The following RBFOX3 variants were observed in gnomAD, a reference collection of about 807,000 sequenced individuals.
The protein encoded by RBFOX3 is RNA binding protein fox-1 homolog 3.
A neutral mutation model predicts 48.7 loss-of-function variants in RBFOX3; 17 were observed. The ratio of observed to expected loss-of-function variants is 0.35; its 90% CI spans 0.24 to 0.52. The LOEUF (loss-of-function observed/expected upper bound fraction) is 0.52. Ranked by LOEUF, RBFOX3 falls within the 20% of genes least tolerant of loss-of-function variation. The probability of loss-of-function intolerance (pLI) is 0.94; values close to 1 mark genes in which losing one functional copy is unlikely to be tolerated. For synonymous variants in RBFOX3, 212 were observed against 209.5 expected, an observed-to-expected ratio of 1.01 and a Z score of -0.10; for missense variants, 382 against 497.5, an observed-to-expected ratio of 0.77 and a Z score of 2.21.
chr17:79,591,634 T>C (rs903879682), intron 1 of RBFOX3, among the ~76,000 whole-genome samples: 23 of 152,264 alleles, frequency 1.5e-4, no homozygotes, highest in African/African-American at 5.5e-4. Flanking sequence ...CCCCAAACAG[T>C]ATCGTGTTTT....
chr17:79,361,620 TCTC>T lies in RBFOX3; in HGVS notation c.-174-53799_-174-53797del, dbSNP rs531749231. ...AGGGACATGCCAGCCCACGTCCATC[TCTC>T]CTCCTCCTCCCAGCATCCCCTCTCT... is the stretch of plus-strand genomic sequence containing the variant. On this transcript the variant is annotated intron_variant, in intron 2 of 14. Transcript: ENST00000693108. The surrounding 1 kb of genome is among the most constrained non-coding windows in gnomAD (Gnocchi z 4.5). 1.1e-3 allele frequency among the ~76,000 whole-genome samples: 172 copies of T among 152,222 alleles called. No homozygotes were observed. The highest frequency in any genetic ancestry group is 4.0e-3 in the African/African-American group (168 of 41,552).
intron 4 of RBFOX3, among the ~76,000 whole-genome samples, chr17:79,180,128 G>A (rs760489203): frequency 2.0e-5 from 3 of 152,114 alleles, no homozygotes; most frequent in Non-Finnish European, 2.9e-5. Flanking sequence ...TATCACCTCC[G>A]CTGCTGGGAG....
chr17:79,564,502 G>C (rs1017083256), intron 1 of RBFOX3, among the ~76,000 whole-genome samples: 2 of 152,162 alleles, frequency 1.3e-5, no homozygotes, highest in Non-Finnish European at 2.9e-5. Flanking sequence ...CGCCTTAGCA[G>C]AACGGTGCTG....
At chr17:79,625,662 G>C in the RBFOX3 span, among the ~76,000 whole-genome samples, 1 of 150,762 alleles carries the variant, frequency 6.6e-6, no homozygotes, top group African/African-American at 2.5e-5. Flanking sequence ...CATGGCACTA[G>C]GTGCCCATAA....
At chr17:79,342,995 A>G (rs1217646040) in intron 2 of RBFOX3, among the ~76,000 whole-genome samples, 2 of 152,142 alleles carry the variant, frequency 1.3e-5, no homozygotes, top group Non-Finnish European at 2.9e-5. Context: ...AGAGAGAGAG[A>G]GAGAGAGAAA....
intron 1 of RBFOX3, among the ~76,000 whole-genome samples, chr17:79,505,359 G>A (rs1460778281): frequency 6.6e-6 from 1 of 152,056 alleles, no homozygotes. Context: ...AACAGAGGTG[G>A]GTGTATAAAT....
At chr17:79,194,102 C>A (rs966880736) in intron 4 of RBFOX3, among the ~76,000 whole-genome samples, 3 of 152,178 alleles carry the variant, frequency 2.0e-5, no homozygotes, top group African/African-American at 7.2e-5. Context: ...GGTAAAAAAA[C>A]AGAGATGATT....
intron 1 of RBFOX3, among the ~76,000 whole-genome samples, chr17:79,513,092 G>A (rs1348538129): frequency 6.6e-6 from 1 of 151,628 alleles, no homozygotes; most frequent in East Asian, 1.9e-4. Flanking sequence ...TTACCATCGG[G>A]TACAGCCCCA....
In RBFOX3 at chr17:79,106,003, G is replaced by A. The variant is rs548883987; in HGVS notation, c.360+648C>T. 3.3e-5 allele frequency among the ~76,000 whole-genome samples: 5 copies of A among 152,320 alleles called. No homozygotes were observed. The South Asian group carries it at 1.0e-3, about 32-fold the overall frequency. ...TGACCCAGGACCCAGGGGCAGCCCTGCACGTTCTCACGGTGACCCCACCAC... is the reference window on the plus strand; with the variant it reads ...TGACCCAGGACCCAGGGGCAGCCCTACACGTTCTCACGGTGACCCCACCAC... On this transcript the variant is annotated intron_variant, in intron 6 of 14. Coordinates refer to ENST00000693108, the MANE Select transcript of RBFOX3 (RefSeq NM_001350451.2).
At chr17:79,218,301 C>T (rs187927534) in intron 4 of RBFOX3, among the ~76,000 whole-genome samples, 89 of 152,082 alleles carry the variant, frequency 5.9e-4, no homozygotes, top group African/African-American at 2.0e-3. Flanking sequence ...CAGGGAGGGA[C>T]AGCAGGAGAG....
chr17:79,133,524 C>G (rs1056199567), intron 4 of RBFOX3, among the ~76,000 whole-genome samples: 7 of 152,212 alleles, frequency 4.6e-5, no homozygotes, highest in Non-Finnish European at 8.8e-5. Context: ...CTTCCCTCCT[C>G]TAATCCTCCT....
At chr17:79,610,399 T>TC (rs1411380774) in intron 1 of RBFOX3, among the ~76,000 whole-genome samples, 1 of 150,300 alleles carries the variant, frequency 6.7e-6, no homozygotes, top group Non-Finnish European at 1.5e-5. Flanking sequence ...CGCCTCTGCC[T>TC]CCCCCCGCCG....
intron 1 of RBFOX3, among the ~76,000 whole-genome samples, chr17:79,522,786 C>T (rs2086281587): frequency 6.6e-6 from 1 of 151,894 alleles, no homozygotes; most frequent in Non-Finnish European, 1.5e-5. Flanking sequence ...AAAAATTAGC[C>T]AGGCATGGTG....
At chr17:79,265,226 G>C (rs956945015) in intron 3 of RBFOX3, among the ~76,000 whole-genome samples, 10 of 152,192 alleles carry the variant, frequency 6.6e-5, no homozygotes, top group African/African-American at 2.4e-4. Flanking sequence ...ATGAAACCAG[G>C]TTTCATGAGC....
intron 1 of RBFOX3, among the ~76,000 whole-genome samples, chr17:79,569,408 G>A (rs1347073944): frequency 6.6e-6 from 1 of 152,178 alleles, no homozygotes; most frequent in Non-Finnish European, 1.5e-5. Context: ...GACTGTCAGA[G>A]CTTCATTCCC....
At chr17:79,633,549 C>T in the RBFOX3 span, among the ~76,000 whole-genome samples, 1 of 152,102 alleles carries the variant, frequency 6.6e-6, no homozygotes, top group Non-Finnish European at 1.5e-5. Context: ...TGGGCAGATG[C>T]CTCCGCAGGC....
At chr17:79,594,393 A>G (rs2093510719) in intron 1 of RBFOX3, among the ~76,000 whole-genome samples, 1 of 152,164 alleles carries the variant, frequency 6.6e-6, no homozygotes, top group Non-Finnish European at 1.5e-5. Context: ...AGGCCATAGC[A>G]AGGAAAGAGA....
At chr17:79,371,638 A>G (rs2058553396) in intron 2 of RBFOX3, among the ~76,000 whole-genome samples, 1 of 152,080 alleles carries the variant, frequency 6.6e-6, no homozygotes, top group Non-Finnish European at 1.5e-5. Flanking sequence ...CCACCAACCA[A>G]ATGTGGTGGG....
rs576444846 is a variant in RBFOX3 at position 79,205,750 on chromosome 17, C to T, written c.-34+30016G>A. On this transcript the variant is annotated intron_variant, in intron 4 of 14. Coordinates refer to ENST00000693108, the MANE Select transcript of RBFOX3 (RefSeq NM_001350451.2). The surrounding 1 kb of genome is among the most constrained non-coding windows in gnomAD (Gnocchi z 4.5). ...CAGTGTTGTATTTACTGGAATAGCT[C>T]GACAGAGCCTCTATTACTTGGTATA... is the stretch of plus-strand genomic sequence containing the variant. Among the ~76,000 whole-genome samples the T allele has an allele frequency of 3.1e-4, 47 of 152,050 alleles. No homozygotes were observed. Among genetic ancestry groups the T allele is most frequent in the African/African-American group, 1.1e-3 (46 of 41,478 alleles).
Sources: allele counts gnomAD v4.1 joint callset (sites outside exome capture counted in the v4.1 genomes callset), GRCh38; gene constraint gnomAD v4.1.1; non-coding constraint Gnocchi (gnomAD v3.1); transcripts MANE v1.5; gene names NCBI Gene and HGNC (gene_info 2026-07-23, HGNC 2026-07-21).